PLCL1: variants seen among roughly 807,000 people sequenced by gnomAD.
PLCL1 encodes the protein inactive phospholipase C-like protein 1.
Under a neutral mutation model 84.4 loss-of-function variants are expected in PLCL1, and 41 were observed. That is an observed-to-expected ratio of 0.49 (90% CI 0.38 to 0.63). The LOEUF is 0.63. Among genes scored for constraint, PLCL1 ranks in the 30% least tolerant of loss-of-function variants. The pLI is 0.00. For synonymous variants in PLCL1, 490 were observed against 488.3 expected (o/e 1.00, Z -0.05); for missense variants, 1,206 against 1,367.8 (o/e 0.88, Z 1.87).
intron 1 of PLCL1, among the ~76,000 whole-genome samples, chr2:198,014,233 G>A (rs1690939023): frequency 6.6e-6 from 1 of 152,058 alleles, no homozygotes; most frequent in African/African-American, 2.4e-5. Flanking sequence ...AAAAGTTTGG[G>A]GTTGAAAGAA....
intron 5 of PLCL1, 104 bp downstream of exon 5, chr2:198,104,040 T>C: frequency 1.9e-6 from 1 of 536,214 alleles, no homozygotes; most frequent in East Asian, 3.4e-5. Context: ...TTTGGATTTT[T>C]AAACCTTCAC....
At chr2:198,083,604 C>T (rs565740531) in intron 1 of PLCL1, 154 bp from the exon 2 acceptor site, 1 of 560,132 alleles carries the variant, frequency 1.8e-6, no homozygotes, top group African/African-American at 1.9e-5. Flanking sequence ...TTAGCAATTT[C>T]TCTTTTCTGA....
chr2:198,083,152 G>A (rs1373619005), intron 1 of PLCL1, among the ~76,000 whole-genome samples: 1 of 152,156 alleles, frequency 6.6e-6, no homozygotes, highest in Non-Finnish European at 1.5e-5. Context: ...TTCCTATAAT[G>A]TTAAAATCAA....
At chr2:197,917,064 C>G (rs1445906188) in intron 1 of PLCL1, among the ~76,000 whole-genome samples, 3 of 152,158 alleles carry the variant, frequency 2.0e-5, no homozygotes, top group African/African-American at 7.2e-5. Flanking sequence ...TCTGGGAAAA[C>G]AAAATGGAAC....
chr2:198,076,704 C>A (rs917281752), intron 1 of PLCL1, among the ~76,000 whole-genome samples: 1 of 152,150 alleles, frequency 6.6e-6, no homozygotes, highest in African/African-American at 2.4e-5. Context: ...AAGTGCATCA[C>A]CTGTTTGTGT....
chr2:198,119,469 T>C (rs1693821046), intron 5 of PLCL1, among the ~76,000 whole-genome samples: 2 of 151,972 alleles, frequency 1.3e-5, no homozygotes, highest in African/African-American at 4.8e-5. Flanking sequence ...GTTCTGTTTC[T>C]TGGAAATATC....
At chr2:197,889,513 C>T (rs566973347) in intron 1 of PLCL1, among the ~76,000 whole-genome samples, 1 of 152,044 alleles carries the variant, frequency 6.6e-6, no homozygotes, top group East Asian at 1.9e-4. Flanking sequence ...ACATTTTAAA[C>T]TTTTTTCTCC....
At chr2:198,043,660 T>C (rs546576194) in intron 1 of PLCL1, among the ~76,000 whole-genome samples, 24 of 152,228 alleles carry the variant, frequency 1.6e-4, no homozygotes, top group African/African-American at 5.5e-4. Flanking sequence ...ACAATGCTCC[T>C]GGAGAGGGAG....
chr2:198,026,879 G>T (rs990919868), intron 1 of PLCL1, among the ~76,000 whole-genome samples: 1 of 152,158 alleles, frequency 6.6e-6, no homozygotes, highest in Admixed American at 6.6e-5. Flanking sequence ...ATATTGGCAA[G>T]GGTGTGGAGA....
intron 1 of PLCL1, among the ~76,000 whole-genome samples, chr2:198,002,825 C>T (rs916176788): frequency 2.6e-5 from 4 of 152,178 alleles, no homozygotes; most frequent in Non-Finnish European, 4.4e-5. Context: ...CCATAAGGTA[C>T]TGCTGTAGGC....
chr2:197,827,609 A>T (rs947808250), intron 1 of PLCL1, among the ~76,000 whole-genome samples: 2 of 152,168 alleles, frequency 1.3e-5, no homozygotes, highest in Non-Finnish European at 2.9e-5. Flanking sequence ...AAATCCATTC[A>T]ACTTTTGAAA....
At chr2:197,886,649 C>T (rs1037279299) in intron 1 of PLCL1, among the ~76,000 whole-genome samples, 6 of 151,936 alleles carry the variant, frequency 3.9e-5, no homozygotes, top group Admixed American at 6.6e-5. Flanking sequence ...GAGGGCCTTT[C>T]GATCTACTTT....
chr2:197,816,981 G>A (rs954496459), intron 1 of PLCL1, among the ~76,000 whole-genome samples: 5 of 152,106 alleles, frequency 3.3e-5, no homozygotes, highest in African/African-American at 1.2e-4. Context: ...TTGTGTTAAA[G>A]GTAATGAATC....
intron 1 of PLCL1, among the ~76,000 whole-genome samples, chr2:197,811,118 C>T (rs545046142): frequency 2.0e-5 from 3 of 152,330 alleles, no homozygotes; most frequent in African/African-American, 7.2e-5. Flanking sequence ...ACCTCCCTAT[C>T]TATCCTAGAT....
chr2:197,916,775 T>C (rs1688608339), intron 1 of PLCL1, among the ~76,000 whole-genome samples: 1 of 151,928 alleles, frequency 6.6e-6, no homozygotes, highest in South Asian at 2.1e-4. Flanking sequence ...AAAAAGTTAT[T>C]ACCTGCTCAA....
At position 197,971,473 on chromosome 2, in the gene PLCL1, C is replaced by T. The variant is rs114640810; in HGVS notation, c.241-112285C>T. On this transcript the variant is annotated intron_variant, in intron 1 of 5. Coordinates refer to ENST00000428675, the MANE Select transcript of PLCL1 (RefSeq NM_006226.4). ...TTATAGCTATTGCCATGAAAGTGTACGAACCCAGAAGGAGTTATGGACGGA... is the reference window on the plus strand; with the variant it reads ...TTATAGCTATTGCCATGAAAGTGTATGAACCCAGAAGGAGTTATGGACGGA... 3.8e-3 allele frequency among the ~76,000 whole-genome samples: 579 copies of T among 152,236 alleles called. 5 individuals are homozygous for T. The highest frequency in any genetic ancestry group is 0.013 in the African/African-American group (546 of 41,536).
At position 198,089,054 on chromosome 2, in the gene PLCL1, A is replaced by C. The variant is rs1202676104; in HGVS notation, c.2912A>C (p.Tyr971Ser). The change falls in exon 3 of 6, where the codon TAT becomes TCT. Residue 971 changes from tyrosine (Y) to serine (S), a missense_variant. By Grantham distance (144) the Tyr-to-Ser change is moderately radical. Transcript: ENST00000428675. ...GTGCAGAAAAAGATGCTGACTGCTT[A>C]TGATCTGGTAGGAAATTGCGACTCC... ...PDVQKKMLTA[Y>S]DLMIQESRFL... The C allele has an allele frequency of 6.2e-7, 1 of 1,612,750 alleles. No homozygotes were observed.
In PLCL1 at chr2:197,927,920, A is replaced by G. The variant is rs575151423; in HGVS notation, c.240+122581A>G. ...GAAAATTGACAAGCAAATATGGTGT[A>G]GTTTTCCCCTCTTTTAGGAAAAGCA... On this transcript the variant is annotated intron_variant, in intron 1 of 5. Coordinates refer to ENST00000428675, the MANE Select transcript of PLCL1 (RefSeq NM_006226.4). 3.3e-5 allele frequency among the ~76,000 whole-genome samples: 5 copies of G among 152,326 alleles called. No individual in the cohort carries two copies. The South Asian group carries it at 8.3e-4, about 25-fold the overall frequency.
At chr2:197,923,870 T>G (rs972651677) in intron 1 of PLCL1, among the ~76,000 whole-genome samples, 3 of 150,786 alleles carry the variant, frequency 2.0e-5, no homozygotes, top group African/African-American at 7.3e-5. Flanking sequence ...TGGGCACCAT[T>G]GAGCACTGAG....
Sources: gnomAD v4.1 joint callset for allele counts (sites outside exome capture counted in the v4.1 genomes callset) on GRCh38, gnomAD v4.1.1 for gene constraint, MANE v1.5 for transcripts, NCBI Gene and HGNC (gene_info 2026-07-23, HGNC 2026-07-21) for gene names.